Variants in CMC2 observed in about 807,000 individuals in gnomAD.
The protein encoded by CMC2 is COX assembly mitochondrial protein 2 homolog.
Under a neutral mutation model 7.5 loss-of-function variants are expected in CMC2, and 5 were observed. The observed-to-expected ratio is 0.66, with a 90% CI of 0.35 to 1.40. CMC2 has a LOEUF of 1.40. CMC2 is among the 40% of genes most tolerant of loss of function. The pLI is 0.04. For synonymous variants in CMC2, 37 were observed against 31.4 expected (o/e 1.18, Z -0.60); for missense variants, 115 against 92.3 (o/e 1.25, Z -1.01).
At chr16:80,991,885 A>C (rs2113196) in intron 2 of CMC2, 321,689 of 450,974 alleles carry the variant, frequency 0.71, 118,319 homozygotes, top group South Asian at 0.8. Flanking sequence ...ATCAAAAACA[A>C]AGAAAATGTC....
intron 3 of CMC2, among the ~76,000 whole-genome samples, chr16:80,977,619 AC>A (rs1431808708): frequency 6.6e-6 from 1 of 152,230 alleles, no homozygotes; most frequent in Non-Finnish European, 1.5e-5. Flanking sequence ...GGGATTCATG[AC>A]TTTGAGTTAC....
At chr16:80,998,166 C>T (rs1968576693) in intron 1 of CMC2, 1 of 148,402 alleles carries the variant, frequency 6.7e-6, no homozygotes, top group African/African-American at 2.5e-5. Flanking sequence ...GTTTCAAACT[C>T]CTGTCCTCAA....
Position 80,967,665 on chromosome 16 carries a change from C to T in CMC2, c.*8428G>A, listed in dbSNP as rs1359182707. 1.3e-5 allele frequency: 2 copies of T among 152,302 alleles called. No individual in the cohort carries two copies. Among genetic ancestry groups the T allele is most frequent in the South Asian group, 2.1e-4 (1 of 4,830 alleles). 9.4% of individuals were successfully genotyped at this position (152,302 alleles called of 1,614,324 possible). On this transcript the variant is annotated 3_prime_UTR_variant, in exon 4 of 4. Transcript: ENST00000219400. ...TCCTCGTACTTTTCAATATTTGTAG[C>T]AAGTCCAATCATTAGCTCAATAATC...
intron 1 of CMC2, chr16:80,998,999 A>G (rs537556139): frequency 6.6e-6 from 1 of 152,362 alleles, no homozygotes; most frequent in South Asian, 2.1e-4. Context: ...CTGAACAGGC[A>G]AAAGATGGAA....
At chr16:80,980,881 T>C in intron 3 of CMC2, 1 of 696,892 alleles carries the variant, frequency 1.4e-6, no homozygotes, top group East Asian at 2.7e-5. Flanking sequence ...AGCAAGAACC[T>C]GTCTCAAAAG....
At position 80,967,799 on chromosome 16, in the gene CMC2, A is replaced by G. The variant is rs547154576; in HGVS notation, c.*8294T>C. Reference sequence around the variant, plus strand: ...GAATTGCAGAATGCTTTACTTTCTTAGCCCTCTACTCGCCAGAGTTGAGGA... The same window carrying G: ...GAATTGCAGAATGCTTTACTTTCTTGGCCCTCTACTCGCCAGAGTTGAGGA... On this transcript the variant is annotated 3_prime_UTR_variant, in exon 4 of 4. Transcript: ENST00000219400. 1 of 152,350 alleles carries G rather than the reference A, an allele frequency of 6.6e-6. No individual in the cohort carries two copies. Among genetic ancestry groups the G allele is most frequent in the East Asian group, 1.9e-4 (1 of 5,190 alleles). 9.4% of individuals were successfully genotyped at this position (152,350 alleles called of 1,614,324 possible).
chr16:80,968,963 A>C lies in CMC2; in HGVS notation c.*7130T>G, dbSNP rs1911734986. On this transcript the variant is annotated 3_prime_UTR_variant, in exon 4 of 4. Transcript: ENST00000219400. ...AAAGCCAGGAGATGGTAATCCTCTA[A>C]GAAAACATTAACTAGAAAACATAAC... is the stretch of plus-strand genomic sequence containing the variant. 6.6e-6 allele frequency: 1 copy of C among 152,238 alleles called. No homozygotes were observed. Among genetic ancestry groups the C allele is most frequent in the African/African-American group, 2.4e-5 (1 of 41,458 alleles). The allele number at this position is 152,238 out of a possible 1,614,324, so 9.4% of individuals were successfully genotyped here.
Position 80,968,626 on chromosome 16 carries a change from T to TGAA in CMC2, c.*7466_*7467insTTC, listed in dbSNP as rs1441730559. On this transcript the variant is annotated 3_prime_UTR_variant, in exon 4 of 4. Transcript: ENST00000219400. ...CCAAGGTAAAATTTTATGTACAGGATATCTGTTTCTGGTAAAATAGCTCAT... is the reference window on the plus strand; with the variant it reads ...CCAAGGTAAAATTTTATGTACAGGATGAAATCTGTTTCTGGTAAAATAGCTCAT... 1 of 152,228 alleles carries TGAA rather than the reference T, an allele frequency of 6.6e-6. No homozygotes were observed. Among genetic ancestry groups the TGAA allele is most frequent in the Admixed American group, 6.5e-5 (1 of 15,288 alleles). 9.4% of individuals were successfully genotyped at this position (152,228 alleles called of 1,614,324 possible). A position where few individuals can be genotyped will look rare whatever the true frequency, so the allele number is the denominator to read the frequency against.
intron 1 of CMC2, among the ~76,000 whole-genome samples, chr16:80,999,922 C>A (rs1968732963): frequency 6.6e-6 from 1 of 152,200 alleles, no homozygotes. Flanking sequence ...CAGATTTACA[C>A]AGAATGCCTC....
intron 2 of CMC2, chr16:80,982,409 T>A (rs113164885): frequency 0.14 from 21,564 of 149,622 alleles, 1,692 homozygotes; most frequent in Admixed American, 0.2. Flanking sequence ...CTTGGGAGGC[T>A]GAGGCAGGAG....
chr16:81,005,347 G>A (rs975714358), intron 1 of CMC2, among the ~76,000 whole-genome samples: 6 of 152,108 alleles, frequency 3.9e-5, no homozygotes, highest in African/African-American at 1.2e-4. Context: ...GGGAGGTGGA[G>A]GTTGCAGTGA....
chr16:81,000,358 T>C (rs1305175938), intron 1 of CMC2, among the ~76,000 whole-genome samples: 3 of 151,960 alleles, frequency 2.0e-5, no homozygotes, highest in Non-Finnish European at 4.4e-5. Context: ...TAGCCGGGTG[T>C]GGTGGCGGGC....
rs554292816 is a variant in CMC2, at chr16:80,978,442, A to G, written c.154-2263T>C. On this transcript the variant is annotated intron_variant, in intron 3 of 3. Coordinates refer to ENST00000219400, the MANE Select transcript of CMC2 (RefSeq NM_020188.5). ...TGAATAAAAGGGGAGAAAAGGATGAATATGAAGTTACTCACAAAACTCAAT... is the reference window on the plus strand; with the variant it reads ...TGAATAAAAGGGGAGAAAAGGATGAGTATGAAGTTACTCACAAAACTCAAT... 2.4e-3 allele frequency: 2,830 copies of G among 1,185,954 alleles called. 14 individuals carry two copies. Among genetic ancestry groups the G allele is most frequent in the Middle Eastern group, 7.4e-3 (33 of 4,476 alleles). The allele number at this position is 1,185,954 out of a possible 1,614,324, so 73.5% of individuals were successfully genotyped here.
Position 80,973,401 on chromosome 16 carries a change from T to C in CMC2, c.*2692A>G, listed in dbSNP as rs544453353. On this transcript the variant is annotated 3_prime_UTR_variant, in exon 4 of 4. Coordinates refer to ENST00000219400, the MANE Select transcript of CMC2 (RefSeq NM_020188.5). ...GGGTGCACTTGAGAGAAAAACAATA[T>C]TGAGGGGGCCCTTACTTTGTGCCAG... The C allele has an allele frequency of 2.6e-5, 4 of 152,260 alleles. No individual in the cohort carries two copies. The highest frequency in any genetic ancestry group is 2.1e-4 in the South Asian group (1 of 4,816). The allele number at this position is 152,260 out of a possible 1,614,324, so 9.4% of individuals were successfully genotyped here.
At chr16:81,000,983 G>A (rs1038563865) in intron 1 of CMC2, among the ~76,000 whole-genome samples, 9 of 152,142 alleles carry the variant, frequency 5.9e-5, no homozygotes, top group Admixed American at 3.9e-4. Flanking sequence ...AAGAAAATAT[G>A]TACATATACA....
In CMC2 at chr16:80,972,986, C is replaced by T. The variant is rs1476751021; in HGVS notation, c.*3107G>A. 2.6e-5 allele frequency: 4 copies of T among 152,542 alleles called. No individual in the cohort carries two copies. The highest frequency in any genetic ancestry group is 9.6e-5 in the African/African-American group (4 of 41,464). 9.4% of individuals were successfully genotyped at this position (152,542 alleles called of 1,614,324 possible). On this transcript the variant is annotated 3_prime_UTR_variant, in exon 4 of 4. Transcript: ENST00000219400. ...CCCAACCCCACTCTCCCTCCAGCTT[C>T]TTCGGCTTCCACTGCATATGGGAAT...
intron 3 of CMC2, chr16:80,980,733 A>C: frequency 4.6e-6 from 3 of 657,488 alleles, no homozygotes; most frequent in Non-Finnish European, 2.7e-6. Flanking sequence ...TCTACAAAAA[A>C]ATGTGTAAAA....
At chr16:80,991,815 T>G (rs1030354990) in intron 2 of CMC2, 1 of 391,012 alleles carries the variant, frequency 2.6e-6, no homozygotes. Flanking sequence ...ACAAGACAAA[T>G]TCAAACAGAG....
At position 80,968,735 on chromosome 16, in the gene CMC2, T is replaced by G. The variant is rs935865865; in HGVS notation, c.*7358A>C. The G allele has an allele frequency of 2.0e-5, 3 of 151,982 alleles. No individual in the cohort carries two copies. Among genetic ancestry groups the G allele is most frequent in the African/African-American group, 7.3e-5 (3 of 41,364 alleles). The allele number at this position is 151,982 out of a possible 1,614,324, so 9.4% of individuals were successfully genotyped here. ...TCAAATATAGTTTTTAAAGGTGTAG[T>G]TGAGCTCACAAGAAAGGAAAGAAAA... On this transcript the variant is annotated 3_prime_UTR_variant, in exon 4 of 4. Coordinates refer to ENST00000219400, the MANE Select transcript of CMC2 (RefSeq NM_020188.5).
Sources: gnomAD v4.1 joint callset for allele counts (sites outside exome capture counted in the v4.1 genomes callset) on GRCh38, gnomAD v4.1.1 for gene constraint, MANE v1.5 for transcripts, NCBI Gene and HGNC (gene_info 2026-07-23, HGNC 2026-07-21) for gene names.